The following ZNF573 variants were observed in gnomAD, a reference collection of about 807,000 sequenced individuals.
ZNF573 encodes zinc finger protein 573.
ZNF573 carries 41 observed loss-of-function variants against 57.4 expected under a neutral mutation model. The ratio of observed to expected loss-of-function variants is 0.71; its 90% CI spans 0.56 to 0.93. The LOEUF (loss-of-function observed/expected upper bound fraction) is 0.93. Among genes scored for constraint, ZNF573 ranks in the 40% least tolerant of loss-of-function variants. The pLI is 0.00. For missense variants in ZNF573, 730 were observed against 794.8 expected (o/e 0.92, Z 0.98); for synonymous variants, 249 against 261.0 (o/e 0.95, Z 0.44).
intron 2 of ZNF573, among the ~76,000 whole-genome samples, chr19:37,771,998 C>T (rs144477251): frequency 6.6e-6 from 1 of 152,262 alleles, no homozygotes; most frequent in African/African-American, 2.4e-5. Flanking sequence ...GTATTAAAGA[C>T]ACAACTACAT....
intron 4 of ZNF573, among the ~76,000 whole-genome samples, chr19:37,760,828 A>C (rs2145311439): frequency 6.6e-6 from 1 of 152,166 alleles, no homozygotes; most frequent in Non-Finnish European, 1.5e-5. Flanking sequence ...TCTGAAGAAA[A>C]AAAAAAAAAT....
chr19:37,767,718 G>A lies in ZNF573; in HGVS notation c.295+2287C>T, dbSNP rs78248611. On this transcript the variant is annotated intron_variant, in intron 4 of 4. Coordinates refer to ENST00000536220, the MANE Select transcript of ZNF573 (RefSeq NM_001172690.2). ...CTCTTGACCCCTCTACTTATTTAGA[G>A]GATATAGAGGGGTCAGAGAACATAT... is the stretch of plus-strand genomic sequence containing the variant. Among the ~76,000 whole-genome samples the A allele has an allele frequency of 5.1e-3, 777 of 152,252 alleles. 9 individuals are homozygous for A. Among genetic ancestry groups the A allele is most frequent in the African/African-American group, 0.017 (721 of 41,550 alleles).
chr19:37,767,460 G>A (rs2045612687), intron 4 of ZNF573, among the ~76,000 whole-genome samples: 1 of 151,972 alleles, frequency 6.6e-6, no homozygotes, highest in African/African-American at 2.4e-5. Flanking sequence ...GTCTCGATCT[G>A]CTGACTTTGT....
intron 3 of ZNF573, chr19:37,770,493 G>A (rs1219084294): frequency 6.4e-6 from 1 of 157,464 alleles, no homozygotes; most frequent in East Asian, 1.9e-4. Context: ...GGCTAGGCAT[G>A]GTGGCTCACG....
intron 4 of ZNF573, among the ~76,000 whole-genome samples, chr19:37,764,413 C>T (rs1420150642): frequency 6.6e-6 from 1 of 151,052 alleles, no homozygotes; most frequent in Non-Finnish European, 1.5e-5. Flanking sequence ...CTCCATCTCC[C>T]GGATTCAAGC....
chr19:37,769,897 C>T (rs2145327934), intron 4 of ZNF573, 108 bp downstream of exon 4: 1 of 908,758 alleles, frequency 1.1e-6, no homozygotes, highest in East Asian at 2.6e-5. Context: ...CTTTGCTCCA[C>T]AAGTCTGGGT....
chr19:37,748,821 G>A (rs856294), intron 4 of ZNF573, among the ~76,000 whole-genome samples: 3,280 of 151,678 alleles, frequency 0.022, 124 homozygotes, highest in African/African-American at 0.074. Flanking sequence ...CAGCTAACTC[G>A]GAGGCTGAGG....
chr19:37,770,601 C>T (rs1207803809), intron 3 of ZNF573: 1 of 32,894 alleles, frequency 3.0e-5, no homozygotes, highest in Non-Finnish European at 5.7e-5. Flanking sequence ...CTCATCTCTA[C>T]AAAAAAAAAA....
chr19:37,769,956 TA>T, intron 4 of ZNF573, 48 bp downstream of exon 4: 1 of 1,473,544 alleles, frequency 6.8e-7, no homozygotes, highest in Non-Finnish European at 9.3e-7. Flanking sequence ...TCCTTTCTCT[TA>T]CCACATGGGC....
Position 37,739,439 on chromosome 19 carries a change from T to G in ZNF573, c.1051A>C (p.Ile351Leu). 6.2e-7 allele frequency: 1 copy of G among 1,614,110 alleles called. No individual in the cohort carries two copies. The highest frequency in any genetic ancestry group is 8.5e-7 in the Non-Finnish European group (1 of 1,180,004). The part of the protein sequence containing the change: ...TASYFLLHQR[I>L]HKGGKPYECK... ...TCATAGGGTTTTCCACCTTTATGAATTCTCTGATGTAGAAGAAAGTATGAG... is the reference window on the plus strand; with the variant it reads ...TCATAGGGTTTTCCACCTTTATGAAGTCTCTGATGTAGAAGAAAGTATGAG... The change falls in exon 5 of 5, where the codon ATT becomes CTT. Residue 351 changes from isoleucine (I) to leucine (L), a missense_variant. By Grantham distance (5) the Ile-to-Leu change is conservative. Transcript: ENST00000536220.
At chr19:37,745,274 G>A (rs577701659) in intron 4 of ZNF573, among the ~76,000 whole-genome samples, 3 of 152,008 alleles carry the variant, frequency 2.0e-5, no homozygotes, top group East Asian at 1.9e-4. Flanking sequence ...ATGAGGTTTC[G>A]CCATGTTGGC....
chr19:37,739,833 T>G lies in ZNF573; in HGVS notation c.657A>C (p.Glu219Asp). The G allele has an allele frequency of 6.2e-7, 1 of 1,614,064 alleles. No individual in the cohort carries two copies. The highest frequency in any genetic ancestry group is 8.5e-7 in the Non-Finnish European group (1 of 1,179,958). Residue 219 changes from glutamate (E) to aspartate (D), a missense_variant, in exon 5 of 5, where the codon GAA (glutamate) becomes GAC (aspartate). Coordinates refer to ENST00000536220, the MANE Select transcript of ZNF573 (RefSeq NM_001172690.2). ...QRFHTGEKTY[E>D]CRQCGKAFIY... ...TAAAGGCCTTCCCACACTGCCTACATTCATAGGTTTTCTCACCAGTATGAA... is the reference window on the plus strand; with the variant it reads ...TAAAGGCCTTCCCACACTGCCTACAGTCATAGGTTTTCTCACCAGTATGAA...
chr19:37,767,277 G>T (rs916349447), intron 4 of ZNF573, among the ~76,000 whole-genome samples: 1 of 151,694 alleles, frequency 6.6e-6, no homozygotes, highest in Non-Finnish European at 1.5e-5. Flanking sequence ...CACCCAGGCT[G>T]GAGTGCAGTG....
chr19:37,763,380 C>G (rs966772897), intron 4 of ZNF573, among the ~76,000 whole-genome samples: 2 of 151,552 alleles, frequency 1.3e-5, no homozygotes, highest in Non-Finnish European at 2.9e-5. Context: ...GTCAGGAGTT[C>G]GAGACCACCC....
chr19:37,744,840 G>C (rs150819520), intron 4 of ZNF573, among the ~76,000 whole-genome samples: 16 of 151,792 alleles, frequency 1.1e-4, no homozygotes, highest in African/African-American at 3.9e-4. Flanking sequence ...GGAGTGCAGT[G>C]GTGCGATCTC....
chr19:37,745,843 G>C (rs1271263946), intron 4 of ZNF573, among the ~76,000 whole-genome samples: 1 of 152,112 alleles, frequency 6.6e-6, no homozygotes, highest in Non-Finnish European at 1.5e-5. Flanking sequence ...ATGAAATAAA[G>C]AAAGCAAATT....
At chr19:37,777,738 TAA>T (rs34200330) in intron 1 of ZNF573, among the ~76,000 whole-genome samples, 28 of 108,394 alleles carry the variant, frequency 2.6e-4, no homozygotes, top group Middle Eastern at 5.1e-3. Context: ...GCCTTTGTCA[TAA>T]AAAAAAAAAA....
intron 4 of ZNF573, among the ~76,000 whole-genome samples, chr19:37,742,099 G>A (rs1001235192): frequency 6.6e-6 from 1 of 151,988 alleles, no homozygotes; most frequent in Non-Finnish European, 1.5e-5. Flanking sequence ...AATGAAATAC[G>A]TAGGAATACA....
chr19:37,760,770 T>C (rs947800233), intron 4 of ZNF573, among the ~76,000 whole-genome samples: 2 of 150,136 alleles, frequency 1.3e-5, no homozygotes, highest in African/African-American at 4.9e-5. Flanking sequence ...TGTAGTGAGC[T>C]GAGATCGCGC....
Sources: gnomAD v4.1 joint callset for allele counts (sites outside exome capture counted in the v4.1 genomes callset) on GRCh38, gnomAD v4.1.1 for gene constraint, MANE v1.5 for transcripts, NCBI Gene and HGNC (gene_info 2026-07-23, HGNC 2026-07-21) for gene names.